GLI2: variants seen among roughly 807,000 people sequenced by gnomAD.
GLI2 encodes GLI family zinc finger 2.
Under a neutral mutation model 78.9 loss-of-function variants are expected in GLI2, and 22 were observed. The ratio of observed to expected loss-of-function variants is 0.28; its 90% CI spans 0.20 to 0.40. The LOEUF (loss-of-function observed/expected upper bound fraction) is 0.40. Ranked by LOEUF, GLI2 falls within the 10% of genes least tolerant of loss-of-function variation. The pLI is 1.00. For missense variants in GLI2, 2,097 were observed against 2,213.2 expected (o/e 0.95, Z 1.05); for synonymous variants, 974 against 963.7 (o/e 1.01, Z -0.20).
chr2:120,842,410 C>T (rs1017107657), intron 2 of GLI2, among the ~76,000 whole-genome samples: 9 of 152,098 alleles, frequency 5.9e-5, no homozygotes, highest in African/African-American at 2.2e-4. Context: ...ACCTGGAGCG[C>T]TTCTTCATTT....
intron 2 of GLI2, among the ~76,000 whole-genome samples, chr2:120,923,070 A>G (rs1679462630): frequency 1.3e-5 from 2 of 151,844 alleles, no homozygotes; most frequent in Non-Finnish European, 2.9e-5. Flanking sequence ...CACATATGGC[A>G]CACACACACA....
At chr2:120,973,496 G>A (rs553764055) in intron 8 of GLI2, among the ~76,000 whole-genome samples, 19 of 152,302 alleles carry the variant, frequency 1.2e-4, no homozygotes, top group African/African-American at 1.9e-4. Flanking sequence ...TTGTCCCCCC[G>A]TCGCTCAGTG....
rs901275310 is a variant in GLI2, at chr2:120,737,478, G to T, written c.-31+1193G>T. On this transcript the variant is annotated intron_variant, in intron 1 of 13. Coordinates refer to ENST00000361492, the MANE Select transcript of GLI2 (RefSeq NM_001374353.1). The surrounding 1 kb of genome is among the most constrained non-coding windows in gnomAD (Gnocchi z 4.3). ...TAATTGTTCTGTGGCTCCTAGAGTT[G>T]ATCCCAGCTGGAAAAGTAGACCTGT... Among the ~76,000 whole-genome samples the T allele has an allele frequency of 3.3e-5, 5 of 152,124 alleles. No homozygotes were observed. The highest frequency in any genetic ancestry group is 1.2e-4 in the African/African-American group (5 of 41,418).
At chr2:120,756,745 A>T (rs1683043859) in intron 1 of GLI2, among the ~76,000 whole-genome samples, 1 of 152,148 alleles carries the variant, frequency 6.6e-6, no homozygotes, top group South Asian at 2.1e-4. Context: ...CATCTCTACT[A>T]ATATCCTTTG....
chr2:120,907,963 G>A (rs1678626522), intron 2 of GLI2, among the ~76,000 whole-genome samples: 1 of 152,190 alleles, frequency 6.6e-6, no homozygotes, highest in African/African-American at 2.4e-5. Flanking sequence ...CTGCCCTCAA[G>A]GGGGAGCCAA....
At chr2:120,844,845 GT>G (rs1558829615) in intron 2 of GLI2, among the ~76,000 whole-genome samples, 1 of 152,136 alleles carries the variant, frequency 6.6e-6, no homozygotes, top group African/African-American at 2.4e-5. Context: ...GGCCCACATA[GT>G]GTCCTGAAAA....
chr2:120,792,030 G>A (rs1684174797), intron 1 of GLI2, among the ~76,000 whole-genome samples: 1 of 152,192 alleles, frequency 6.6e-6, no homozygotes, highest in Non-Finnish European at 1.5e-5. Context: ...TGGCTCTGTG[G>A]TGGCTGTGAC....
intron 2 of GLI2, among the ~76,000 whole-genome samples, chr2:120,847,650 G>A (rs1025630199): frequency 2.1e-4 from 32 of 152,040 alleles, no homozygotes; most frequent in Non-Finnish European, 3.5e-4. Flanking sequence ...TTGGGGGATT[G>A]GATTGGAGCA....
At chr2:120,755,620 A>G (rs1315205228) in intron 1 of GLI2, among the ~76,000 whole-genome samples, 4 of 152,122 alleles carry the variant, frequency 2.6e-5, no homozygotes, top group Non-Finnish European at 4.4e-5. Context: ...TTTCTTGTAT[A>G]TATCATGCAT....
intron 5 of GLI2, among the ~76,000 whole-genome samples, chr2:120,966,519 G>T (rs1215462011): frequency 6.6e-6 from 1 of 151,808 alleles, no homozygotes; most frequent in East Asian, 1.9e-4. Flanking sequence ...GAGGCTGTTA[G>T]GAGAGAAAAC....
intron 2 of GLI2, among the ~76,000 whole-genome samples, chr2:120,876,945 A>G (rs1455533005): frequency 6.6e-6 from 1 of 152,238 alleles, no homozygotes; most frequent in Non-Finnish European, 1.5e-5. Context: ...CGTGCCCCCA[A>G]CTGTGTAAGC....
chr2:120,758,132 C>A (rs1166981666), intron 1 of GLI2, among the ~76,000 whole-genome samples: 2 of 152,100 alleles, frequency 1.3e-5, no homozygotes, highest in African/African-American at 4.8e-5. Flanking sequence ...TGGGGAGAGG[C>A]CTGAAGCTGA....
At chr2:120,856,812 T>G (rs562542051) in intron 2 of GLI2, among the ~76,000 whole-genome samples, 1 of 152,262 alleles carries the variant, frequency 6.6e-6, no homozygotes, top group Non-Finnish European at 1.5e-5. Flanking sequence ...GTGGCTGGAA[T>G]GGGGATAAAA....
intron 2 of GLI2, among the ~76,000 whole-genome samples, chr2:120,875,152 A>T (rs913290596): frequency 2.0e-5 from 3 of 152,190 alleles, no homozygotes; most frequent in African/African-American, 7.2e-5. Context: ...GCTACTTTGT[A>T]TGTGCAGGTG....
chr2:120,882,599 C>T (rs766331503), intron 2 of GLI2, among the ~76,000 whole-genome samples: 2 of 152,320 alleles, frequency 1.3e-5, no homozygotes, highest in South Asian at 2.1e-4. Context: ...TCTTTGAGCG[C>T]GGGTGTCTGG....
intron 10 of GLI2, among the ~76,000 whole-genome samples, chr2:120,980,870 T>A (rs1682686920): frequency 6.6e-6 from 1 of 151,916 alleles, no homozygotes; most frequent in East Asian, 1.9e-4. Flanking sequence ...AGGTCTTTGA[T>A]CCATTTGGAG....
chr2:120,951,066 A>C (rs528494933), intron 3 of GLI2, among the ~76,000 whole-genome samples, 177 bp from the exon 4 acceptor site: 1 of 152,354 alleles, frequency 6.6e-6, no homozygotes, highest in South Asian at 2.1e-4. Context: ...CTAATGCTTG[A>C]GAGTTCAGAC....
Position 120,991,531 on chromosome 2 carries a change from G to C in GLI2, c.*856G>C, listed in dbSNP as rs955289014. The C allele has an allele frequency of 3.3e-5, 5 of 152,660 alleles. No individual in the cohort carries two copies. The highest frequency in any genetic ancestry group is 1.2e-4 in the African/African-American group (5 of 41,436). 9.5% of individuals were successfully genotyped at this position (152,660 alleles called of 1,614,324 possible). ...ACCTCGGGGCTGCTGGAGCCGCTGTGGGTTAGGGATGGACTGAGGCCTCGA... is the reference window on the plus strand; with the variant it reads ...ACCTCGGGGCTGCTGGAGCCGCTGTCGGTTAGGGATGGACTGAGGCCTCGA... On this transcript the variant is annotated 3_prime_UTR_variant, in exon 14 of 14. Transcript: ENST00000361492.
chr2:120,906,139 G>C (rs563388402), intron 2 of GLI2, among the ~76,000 whole-genome samples: 1 of 152,188 alleles, frequency 6.6e-6, no homozygotes, highest in Non-Finnish European at 1.5e-5. Flanking sequence ...GCAGCACGGT[G>C]CGGGGCAGGC....
Sources: allele counts gnomAD v4.1 joint callset (sites outside exome capture counted in the v4.1 genomes callset), GRCh38; gene constraint gnomAD v4.1.1; non-coding constraint Gnocchi (gnomAD v3.1); transcripts MANE v1.5; gene names NCBI Gene and HGNC (gene_info 2026-07-23, HGNC 2026-07-21).